Variants in PCDH15 observed in about 807,000 individuals in gnomAD.
The protein encoded by PCDH15 is protocadherin-15.
Under a neutral mutation model 178.5 loss-of-function variants are expected in PCDH15, and 129 were observed. That is an observed-to-expected ratio of 0.72 (90% CI 0.63 to 0.84). The LOEUF (loss-of-function observed/expected upper bound fraction) is 0.84, where lower values mean the gene tolerates loss of function less well. Among genes scored for constraint, PCDH15 ranks in the 40% least tolerant of loss-of-function variants. The pLI, the probability that PCDH15 is intolerant of heterozygous loss-of-function variation, is 0.00. For synonymous variants in PCDH15, 800 were observed against 732.0 expected, an observed-to-expected ratio of 1.09 and a Z score of -1.50; for missense variants, 2,230 against 2,099.9, an observed-to-expected ratio of 1.06 and a Z score of -1.21.
chr10:55,018,184 G>T (rs1275713686), intron 2 of PCDH15, among the ~76,000 whole-genome samples: 1 of 151,940 alleles, frequency 6.6e-6, no homozygotes, highest in Admixed American at 6.6e-5. Flanking sequence ...GATTAATTTT[G>T]CATTGCAGTA....
intron 13 of PCDH15, among the ~76,000 whole-genome samples, chr10:54,168,237 A>T (rs2046471403): frequency 6.6e-6 from 1 of 152,180 alleles, no homozygotes; most frequent in Non-Finnish European, 1.5e-5. Context: ...AAAATAGGCA[A>T]ACGGTCTGAG....
intron 3 of PCDH15, among the ~76,000 whole-genome samples, chr10:54,894,392 A>G (rs536246197): frequency 2.8e-4 from 42 of 152,318 alleles, no homozygotes; most frequent in African/African-American, 9.6e-4. Context: ...AAGTGATAGC[A>G]TAGGTAGAGA....
intron 1 of PCDH15, among the ~76,000 whole-genome samples, chr10:55,266,005 C>T (rs767235023): frequency 2.6e-5 from 4 of 152,052 alleles, no homozygotes; most frequent in African/African-American, 4.8e-5. Context: ...GCTAAAGATA[C>T]GGCAAAAACA....
At chr10:55,481,136 A>G (rs1390606035) in intron 2 of PCDH15, among the ~76,000 whole-genome samples, 1 of 151,892 alleles carries the variant, frequency 6.6e-6, no homozygotes, top group African/African-American at 2.4e-5. Context: ...AAGTGTTCAT[A>G]ATATTCTCTG....
At chr10:55,339,974 A>T (rs1844505547) in intron 2 of PCDH15, among the ~76,000 whole-genome samples, 1 of 151,336 alleles carries the variant, frequency 6.6e-6, no homozygotes, top group African/African-American at 2.4e-5. Context: ...TTGAAAGAGA[A>T]AGATAAAGAG....
chr10:54,893,016 A>G (rs1339185015), intron 3 of PCDH15, among the ~76,000 whole-genome samples: 1 of 152,118 alleles, frequency 6.6e-6, no homozygotes, highest in Non-Finnish European at 1.5e-5. Context: ...CATGACAAGG[A>G]AATATAGAAG....
At chr10:53,966,234 T>C (rs1369675235) in intron 21 of PCDH15, among the ~76,000 whole-genome samples, 2 of 152,180 alleles carry the variant, frequency 1.3e-5, no homozygotes, top group Non-Finnish European at 2.9e-5. Context: ...AGGACTCATT[T>C]AGCCTGCAAG....
rs190126983 is a variant in PCDH15 at position 55,349,047 on chromosome 10, C to T, written c.-155-182396G>A. Among the ~76,000 whole-genome samples, 350 of 152,204 alleles carry T rather than the reference C, an allele frequency of 2.3e-3. 1 individual carries two copies. Among genetic ancestry groups the T allele is most frequent in the African/African-American group, 7.8e-3 (325 of 41,536 alleles). On this transcript the variant is annotated intron_variant, in intron 2 of 5. Transcript: ENST00000613346. The stretch of plus-strand genomic sequence containing the variant: ...GAGTCTAGGTGACAGATTGCATGGA[C>T]TTGATCAATCTGGCAACAATGGAAG...
At chr10:54,234,964 C>T (rs895245718) in intron 9 of PCDH15, among the ~76,000 whole-genome samples, 4 of 152,132 alleles carry the variant, frequency 2.6e-5, no homozygotes, top group African/African-American at 9.7e-5. Context: ...CACCTTTCTA[C>T]TTTTACCTCA....
chr10:53,956,084 AAT>A (rs1211076039), intron 23 of PCDH15, among the ~76,000 whole-genome samples: 1 of 152,148 alleles, frequency 6.6e-6, no homozygotes, highest in African/African-American at 2.4e-5. Context: ...ATGACTTTTA[AAT>A]ATGATTAATT....
In PCDH15 at chr10:53,831,541, G is replaced by T; in HGVS notation, c.3984-8C>A. 1.3e-6 allele frequency: 2 copies of T among 1,577,408 alleles called. No individual in the cohort carries two copies. Among genetic ancestry groups the T allele is most frequent in the Non-Finnish European group, 1.7e-6 (2 of 1,146,996 alleles). ...AGTTTGCCATCCAAAAATCTTTATT[G>T]TTAGATAAATAGTAAAATTAATGAT... On this transcript the variant is annotated splice_polypyrimidine_tract_variant and splice_region_variant and intron_variant, in intron 29 of 37. Coordinates refer to ENST00000644397, the MANE Select transcript of PCDH15 (RefSeq NM_001384140.1).
At chr10:55,483,068 T>C (rs1840216824) in intron 2 of PCDH15, among the ~76,000 whole-genome samples, 3 of 151,758 alleles carry the variant, frequency 2.0e-5, no homozygotes, top group Admixed American at 6.6e-5. Context: ...ATTCAGGACA[T>C]AAGCATGGGC....
chr10:55,218,628 G>C (rs988225707), intron 1 of PCDH15, among the ~76,000 whole-genome samples: 3 of 151,934 alleles, frequency 2.0e-5, no homozygotes, highest in Admixed American at 2.0e-4. Context: ...TCGTTGATAG[G>C]TAAGCCATCA....
At chr10:54,619,745 C>T (rs902763270) in intron 2 of PCDH15, among the ~76,000 whole-genome samples, 12 of 152,062 alleles carry the variant, frequency 7.9e-5, no homozygotes, top group Non-Finnish European at 1.6e-4. Flanking sequence ...GACTGCCGCA[C>T]TAGAACCATC....
intron 2 of PCDH15, among the ~76,000 whole-genome samples, chr10:54,935,785 G>A (rs1837889393): frequency 2.0e-5 from 3 of 151,656 alleles, no homozygotes; most frequent in Admixed American, 6.6e-5. Flanking sequence ...TCATTTCACT[G>A]GAATTTAATT....
intron 1 of PCDH15, among the ~76,000 whole-genome samples, chr10:55,197,743 T>TG (rs1489277765): frequency 2.6e-5 from 4 of 152,148 alleles, no homozygotes; most frequent in Non-Finnish European, 5.9e-5. Context: ...TACATTATCT[T>TG]CTTGAAATGA....
intron 2 of PCDH15, among the ~76,000 whole-genome samples, chr10:55,156,879 G>C (rs1838904982): frequency 6.6e-6 from 1 of 152,084 alleles, no homozygotes; most frequent in Non-Finnish European, 1.5e-5. Flanking sequence ...AAGTGGAATA[G>C]GATAGGCTGA....
intron 2 of PCDH15, among the ~76,000 whole-genome samples, chr10:55,336,263 G>T (rs936693844): frequency 6.6e-6 from 1 of 151,984 alleles, no homozygotes; most frequent in Admixed American, 6.6e-5. Flanking sequence ...ACTTTGTGAG[G>T]GCGACACGGG....
chr10:53,837,547 T>C (rs2077378208), intron 29 of PCDH15, among the ~76,000 whole-genome samples: 1 of 152,188 alleles, frequency 6.6e-6, no homozygotes, highest in Admixed American at 6.5e-5. Flanking sequence ...TGATGATTTC[T>C]AATCCTTTGA....
Sources: gnomAD v4.1 joint callset for allele counts (sites outside exome capture counted in the v4.1 genomes callset) on GRCh38, gnomAD v4.1.1 for gene constraint, MANE v1.5 for transcripts, NCBI Gene and HGNC (gene_info 2026-07-23, HGNC 2026-07-21) for gene names.